Variants in CFDP1 observed in about 807,000 individuals in gnomAD.
CFDP1 encodes the protein heterochromatin-stabilizing protein CFDP1.
CFDP1 carries 31 observed loss-of-function variants against 40.1 expected under a neutral mutation model. That is an observed-to-expected ratio of 0.77 (90% confidence interval 0.58 to 1.04). The LOEUF (loss-of-function observed/expected upper bound fraction) is 1.04, where lower values mean the gene tolerates loss of function less well. Among genes scored for constraint, CFDP1 ranks in the 50% least tolerant of loss-of-function variants. The pLI is 0.00. For synonymous variants in CFDP1, 167 were observed against 120.0 expected (o/e 1.39, Z -2.56); for missense variants, 423 against 343.4 (o/e 1.23, Z -1.83).
rs566833129 is a variant in CFDP1, at chr16:75,428,563, G to A, written c.64+4726C>T. On this transcript the variant is annotated intron_variant, in intron 1 of 6. Transcript: ENST00000283882. The stretch of plus-strand genomic sequence containing the variant: ...ACCCGGAAGGCGGAAGTTGCAGTGA[G>A]CCGAGATTGCGCCACTGCACTCCAG... Among the ~76,000 whole-genome samples the A allele has an allele frequency of 2.0e-5, 3 of 152,002 alleles. No homozygotes were observed. In the South Asian group the frequency reaches 6.2e-4, roughly 32 times the overall value.
Position 75,294,055 on chromosome 16 carries a change from A to C in CFDP1, c.810-13T>G, listed in dbSNP as rs777497110. ...CCGTTCAATGTACCTAGAAGATGAA[A>C]ACAGTGTTTGTCAGTAGAATCCAGT... On this transcript the variant is annotated splice_polypyrimidine_tract_variant and intron_variant, in intron 6 of 6. Transcript: ENST00000283882. The C allele has an allele frequency of 6.2e-7, 1 of 1,602,426 alleles. No homozygotes were observed. Among genetic ancestry groups the C allele is most frequent in the Non-Finnish European group, 8.6e-7 (1 of 1,169,450 alleles).
intron 5 of CFDP1, among the ~76,000 whole-genome samples, chr16:75,392,429 C>CA (rs113597080): frequency 0.51 from 76,929 of 150,998 alleles, 20,408 homozygotes; most frequent in Admixed American, 0.64. Flanking sequence ...AACAAAGCAA[C>CA]AAAAAAAAAC....
rs1413144741 is a variant in CFDP1, at chr16:75,396,983, G to A, written c.531-1774C>T. 3.9e-5 allele frequency among the ~76,000 whole-genome samples: 6 copies of A among 151,928 alleles called. No homozygotes were observed. In the East Asian group the frequency reaches 5.9e-4, roughly 15 times the overall value. On this transcript the variant is annotated intron_variant, in intron 4 of 6. Coordinates refer to ENST00000283882, the MANE Select transcript of CFDP1 (RefSeq NM_006324.3). Reference sequence around the variant, plus strand: ...GGCTGGAGTGCAGTGGCGCAATCTCGGCTCACTGCAACCTCTGCCTCCTGG... The same window carrying A: ...GGCTGGAGTGCAGTGGCGCAATCTCAGCTCACTGCAACCTCTGCCTCCTGG...
In CFDP1 at chr16:75,349,979, C is replaced by T. The variant is rs117211678; in HGVS notation, c.651-44797G>A. 9.0e-3 allele frequency among the ~76,000 whole-genome samples: 1,366 copies of T among 151,834 alleles called. 19 individuals carry two copies. Among genetic ancestry groups the T allele is most frequent in the Non-Finnish European group, 9.3e-3 (635 of 67,916 alleles). ...TTTCCTATCTTAGGAGAAAAGCATT[C>T]GGTTTTTCATGATTAAGTATGACAT... On this transcript the variant is annotated intron_variant, in intron 5 of 6. Transcript: ENST00000283882.
chr16:75,303,060 C>T (rs895984897), intron 6 of CFDP1, among the ~76,000 whole-genome samples: 24 of 151,774 alleles, frequency 1.6e-4, no homozygotes, highest in African/African-American at 5.3e-4. Context: ...ATTAGCTGGG[C>T]GTGTAGGCGC....
At chr16:75,358,265 T>C (rs1323604323) in intron 5 of CFDP1, among the ~76,000 whole-genome samples, 1 of 152,162 alleles carries the variant, frequency 6.6e-6, no homozygotes, top group Non-Finnish European at 1.5e-5. Context: ...AAACCTTCAA[T>C]GTGTAAGAAA....
chr16:75,433,118 G>A (rs1462408505), intron 1 of CFDP1, among the ~76,000 whole-genome samples, 171 bp downstream of exon 1: 1 of 152,234 alleles, frequency 6.6e-6, no homozygotes, highest in African/African-American at 2.4e-5. Context: ...ACGCGCACAC[G>A]CCTCGGGCCG....
chr16:75,390,581 T>C (rs1326471389), intron 5 of CFDP1, among the ~76,000 whole-genome samples: 1 of 152,262 alleles, frequency 6.6e-6, no homozygotes, highest in African/African-American at 2.4e-5. Flanking sequence ...GAGATAGTCT[T>C]GAGACCCACT....
chr16:75,417,284 G>A (rs1321283443), intron 1 of CFDP1, among the ~76,000 whole-genome samples: 1 of 152,168 alleles, frequency 6.6e-6, no homozygotes, highest in Non-Finnish European at 1.5e-5. Flanking sequence ...TATTCACTCA[G>A]TACTGTTTGT....
chr16:75,351,944 G>A (rs905571087), intron 5 of CFDP1, among the ~76,000 whole-genome samples: 2 of 146,506 alleles, frequency 1.4e-5, no homozygotes, highest in African/African-American at 5.1e-5. Context: ...GGAGGTAGAG[G>A]TTGCAGTAAG....
chr16:75,316,962 C>T (rs1369173048), intron 5 of CFDP1, among the ~76,000 whole-genome samples: 1 of 151,950 alleles, frequency 6.6e-6, no homozygotes, highest in Non-Finnish European at 1.5e-5. Flanking sequence ...GCCTGGGCGA[C>T]AAGAGTGAAA....
intron 5 of CFDP1, among the ~76,000 whole-genome samples, chr16:75,319,247 T>C (rs553022267): frequency 8.5e-5 from 13 of 152,206 alleles, no homozygotes; most frequent in Admixed American, 5.2e-4. Flanking sequence ...TTTCACCATG[T>C]TGGCCAGGAT....
intron 5 of CFDP1, among the ~76,000 whole-genome samples, chr16:75,365,948 T>C (rs896271122): frequency 6.6e-6 from 1 of 152,192 alleles, no homozygotes; most frequent in African/African-American, 2.4e-5. Context: ...GAATGTAAAA[T>C]GGTGTGACCA....
chr16:75,365,272 A>T (rs1331813125), intron 5 of CFDP1, among the ~76,000 whole-genome samples: 1 of 152,234 alleles, frequency 6.6e-6, no homozygotes, highest in Non-Finnish European at 1.5e-5. Context: ...GTAATAAAGC[A>T]GCTTTTTGGG....
rs535204831 is a variant in CFDP1 at position 75,368,290 on chromosome 16, T to G, written c.650+26800A>C. On this transcript the variant is annotated intron_variant, in intron 5 of 6. Coordinates refer to ENST00000283882, the MANE Select transcript of CFDP1 (RefSeq NM_006324.3). ...ATGGTAATTGCTTTTAAAAGAATAC[T>G]TTTAAGAGATATACACTTAAATATT... Among the ~76,000 whole-genome samples the G allele has an allele frequency of 1.8e-4, 28 of 152,306 alleles. No individual in the cohort carries two copies. In the East Asian group the frequency reaches 5.4e-3, roughly 29 times the overall value.
At chr16:75,399,862 G>T (rs930652008) in intron 4 of CFDP1, among the ~76,000 whole-genome samples, 13 of 152,076 alleles carry the variant, frequency 8.5e-5, no homozygotes, top group Admixed American at 8.5e-4. Context: ...AGCATTTTGG[G>T]AGGCCAAGGC....
intron 5 of CFDP1, among the ~76,000 whole-genome samples, chr16:75,360,606 T>C (rs2078674368): frequency 6.6e-6 from 1 of 152,160 alleles, no homozygotes; most frequent in South Asian, 2.1e-4. Context: ...AACAATAACT[T>C]TCCTGTGGCT....
chr16:75,331,702 G>GTATCATGGGT (rs1567647988), intron 5 of CFDP1, among the ~76,000 whole-genome samples: 4 of 151,790 alleles, frequency 2.6e-5, no homozygotes, highest in Non-Finnish European at 4.4e-5. Flanking sequence ...TCCATGTTGT[G>GTATCATGGGT]TGTTCCTTGT....
At chr16:75,412,408 A>C in intron 3 of CFDP1, 127 bp downstream of exon 3, 1 of 761,812 alleles carries the variant, frequency 1.3e-6, no homozygotes. Context: ...CTACCACAGG[A>C]AATGCTTTGC....
Sources: allele counts gnomAD v4.1 joint callset (sites outside exome capture counted in the v4.1 genomes callset), GRCh38; gene constraint gnomAD v4.1.1; transcripts MANE v1.5; gene names NCBI Gene and HGNC (gene_info 2026-07-23, HGNC 2026-07-21).